GMDS: variants seen among roughly 807,000 people sequenced by gnomAD.
GMDS encodes GDP-mannose 4,6-dehydratase, also known as GDP-mannose 4,6 dehydratase.
A neutral mutation model predicts 49.9 loss-of-function variants in GMDS; 20 were observed. That is an observed-to-expected ratio of 0.40 (90% confidence interval 0.28 to 0.58). The LOEUF is 0.58. GMDS is among the 20% of genes least tolerant of loss of function. GMDS has a pLI of 0.42. For synonymous variants in GMDS, 177 were observed against 178.6 expected (o/e 0.99, Z 0.07); for missense variants, 362 against 481.4 (o/e 0.75, Z 2.32).
intron 9 of GMDS, among the ~76,000 whole-genome samples, chr6:1,722,582 C>T (rs1209141527): frequency 1.3e-5 from 2 of 152,154 alleles, no homozygotes; most frequent in Non-Finnish European, 2.9e-5. Flanking sequence ...GCATAACTGA[C>T]TCTGTTAATT....
intron 1 of GMDS, among the ~76,000 whole-genome samples, chr6:2,175,673 C>T (rs1044329172): frequency 6.6e-6 from 1 of 152,338 alleles, no homozygotes; most frequent in Middle Eastern, 3.4e-3. Flanking sequence ...GAGAAATGAG[C>T]ATGCTTTGGT....
At chr6:1,798,040 T>C (rs1391652749) in intron 7 of GMDS, among the ~76,000 whole-genome samples, 1 of 152,194 alleles carries the variant, frequency 6.6e-6, no homozygotes, top group Non-Finnish European at 1.5e-5. Flanking sequence ...CTGGAAAACA[T>C]CTTCCTGCAA....
At chr6:1,676,704 G>A (rs936506218) in intron 9 of GMDS, among the ~76,000 whole-genome samples, 14 of 152,116 alleles carry the variant, frequency 9.2e-5, no homozygotes, top group African/African-American at 3.4e-4. Flanking sequence ...TTTAATAAAC[G>A]GTGCTGGGAA....
chr6:1,720,984 G>A (rs1249074195), intron 9 of GMDS, among the ~76,000 whole-genome samples: 3 of 152,128 alleles, frequency 2.0e-5, no homozygotes. Context: ...TGAGTGTGTT[G>A]AGGGCTTTTC....
intron 1 of GMDS, among the ~76,000 whole-genome samples, chr6:2,161,161 C>T (rs1336995787): frequency 6.6e-6 from 1 of 151,818 alleles, no homozygotes; most frequent in Non-Finnish European, 1.5e-5. Context: ...ACGGGCACAC[C>T]ATCACGCCCA....
In GMDS at chr6:1,813,463, A is replaced by G. The variant is rs187690397; in HGVS notation, c.772-70877T>C. 2.2e-4 allele frequency among the ~76,000 whole-genome samples: 34 copies of G among 152,308 alleles called. 1 individual carries two copies. The East Asian group carries it at 3.7e-3, about 16-fold the overall frequency. ...CATTCCTATCTTCACCTGACTTGAG[A>G]AAAAGAAATAACTTTTTGAGGCTTC... is the stretch of plus-strand genomic sequence containing the variant. On this transcript the variant is annotated intron_variant, in intron 7 of 10. Transcript: ENST00000380815.
At chr6:2,194,513 G>T (rs1052613757) in intron 1 of GMDS, among the ~76,000 whole-genome samples, 1 of 152,060 alleles carries the variant, frequency 6.6e-6, no homozygotes, top group Non-Finnish European at 1.5e-5. Flanking sequence ...ATATCTTTAA[G>T]CATTTTTACC....
At chr6:2,077,837 AAT>A (rs1320670171) in intron 4 of GMDS, among the ~76,000 whole-genome samples, 6 of 152,090 alleles carry the variant, frequency 3.9e-5, no homozygotes, top group African/African-American at 1.2e-4. Context: ...AATTTTTTGG[AAT>A]AGTTTCAAGA....
intron 7 of GMDS, among the ~76,000 whole-genome samples, chr6:1,824,196 G>C (rs1324718728): frequency 6.6e-6 from 1 of 152,044 alleles, no homozygotes; most frequent in Non-Finnish European, 1.5e-5. Context: ...TGATTGAGTT[G>C]CCTTATAACC....
chr6:2,235,249 G>A (rs1203954187), intron 1 of GMDS, among the ~76,000 whole-genome samples: 1 of 152,194 alleles, frequency 6.6e-6, no homozygotes, highest in African/African-American at 2.4e-5. Context: ...TTCAGGGCTG[G>A]AAAAATGTCC....
chr6:2,180,066 G>T (rs1778451509), intron 1 of GMDS, among the ~76,000 whole-genome samples: 2 of 152,204 alleles, frequency 1.3e-5, no homozygotes, highest in South Asian at 4.1e-4. Flanking sequence ...CTCTGGATCT[G>T]TGGTCTAAAT....
chr6:2,098,224 A>G (rs981440797), intron 4 of GMDS, among the ~76,000 whole-genome samples: 1 of 152,034 alleles, frequency 6.6e-6, no homozygotes, highest in Non-Finnish European at 1.5e-5. Context: ...ACACCCGGCT[A>G]ATTTTTATAT....
At chr6:2,125,342 T>C (rs1775360876) in intron 1 of GMDS, among the ~76,000 whole-genome samples, 1 of 152,138 alleles carries the variant, frequency 6.6e-6, no homozygotes, top group South Asian at 2.1e-4. Flanking sequence ...TTGCCCAGGC[T>C]GGTGTCAAAC....
intron 2 of GMDS, among the ~76,000 whole-genome samples, chr6:2,121,297 T>C (rs145495734): frequency 1.3e-5 from 2 of 152,330 alleles, no homozygotes; most frequent in South Asian, 2.1e-4. Context: ...CAAAGAGCGA[T>C]TGTCCATAAA....
chr6:1,655,572 T>C (rs1050403169), intron 9 of GMDS, among the ~76,000 whole-genome samples: 1 of 151,508 alleles, frequency 6.6e-6, no homozygotes, highest in Non-Finnish European at 1.5e-5. Flanking sequence ...TGGAGTGCAG[T>C]GGCTCTCTGC....
intron 1 of GMDS, among the ~76,000 whole-genome samples, chr6:2,135,447 C>T (rs949031628): frequency 2.0e-5 from 3 of 152,140 alleles, no homozygotes; most frequent in Non-Finnish European, 4.4e-5. Context: ...AAAAGCAGAT[C>T]ATGGAGCAAT....
At chr6:2,081,370 T>C (rs1772683416) in intron 4 of GMDS, among the ~76,000 whole-genome samples, 1 of 152,172 alleles carries the variant, frequency 6.6e-6, no homozygotes, top group Non-Finnish European at 1.5e-5. Flanking sequence ...CTCGGCCTTC[T>C]TTCCCTGAAC....
chr6:2,185,247 A>G (rs1220818555), intron 1 of GMDS, among the ~76,000 whole-genome samples: 2 of 152,178 alleles, frequency 1.3e-5, no homozygotes, highest in Admixed American at 6.5e-5. Flanking sequence ...AAGTTTTTTC[A>G]AAGTTGATAT....
intron 9 of GMDS, among the ~76,000 whole-genome samples, chr6:1,687,393 T>TCTTGC (rs1765013236): frequency 6.6e-6 from 1 of 152,166 alleles, no homozygotes; most frequent in South Asian, 2.1e-4. Context: ...TAGGTCAAGG[T>TCTTGC]CTTGCCTAAG....
Sources: gnomAD v4.1 joint callset for allele counts (sites outside exome capture counted in the v4.1 genomes callset) on GRCh38, gnomAD v4.1.1 for gene constraint, MANE v1.5 for transcripts, NCBI Gene and HGNC (gene_info 2026-07-23, HGNC 2026-07-21) for gene names.